ARMH3: variants seen among roughly 807,000 people sequenced by gnomAD.
The protein encoded by ARMH3 is armadillo like helical domain containing 3.
Under a neutral mutation model 99.1 loss-of-function variants are expected in ARMH3, and 60 were observed. That is an observed-to-expected ratio of 0.61 (90% CI 0.49 to 0.75). The LOEUF is 0.75. Ranked by LOEUF, ARMH3 falls within the 30% of genes least tolerant of loss-of-function variation. ARMH3 has a pLI of 0.00. For missense variants in ARMH3, 679 were observed against 843.1 expected, an observed-to-expected ratio of 0.81 and a Z score of 2.41; for synonymous variants, 285 against 292.8, an observed-to-expected ratio of 0.97 and a Z score of 0.27.
intron 19 of ARMH3, among the ~76,000 whole-genome samples, chr10:101,984,061 C>T (rs1400964055): frequency 6.6e-6 from 1 of 152,186 alleles, no homozygotes; most frequent in African/African-American, 2.4e-5. Context: ...CTGCTATCTG[C>T]TACAGAACTG....
At chr10:101,866,154 G>T (rs2066997328) in intron 24 of ARMH3, among the ~76,000 whole-genome samples, 1 of 151,908 alleles carries the variant, frequency 6.6e-6, no homozygotes, top group Non-Finnish European at 1.5e-5. Flanking sequence ...CCAGGAGGTG[G>T]AGGTTGCAGT....
At chr10:101,912,467 C>T (rs984281071) in intron 23 of ARMH3, among the ~76,000 whole-genome samples, 39 of 149,150 alleles carry the variant, frequency 2.6e-4, no homozygotes, top group African/African-American at 9.1e-4. Context: ...GTTCATGATA[C>T]TAAAAAAGAG....
intron 23 of ARMH3, among the ~76,000 whole-genome samples, chr10:101,937,178 G>A (rs574353217): frequency 1.3e-5 from 2 of 152,126 alleles, no homozygotes; most frequent in Non-Finnish European, 2.9e-5. Context: ...ACAGAAGGAG[G>A]CATTATGGTT....
intron 23 of ARMH3, among the ~76,000 whole-genome samples, chr10:101,919,693 A>C (rs887305126): frequency 6.6e-6 from 1 of 152,064 alleles, no homozygotes; most frequent in African/African-American, 2.4e-5. Flanking sequence ...GTACCGGGAG[A>C]GTTGTGCTTT....
intron 23 of ARMH3, among the ~76,000 whole-genome samples, chr10:101,937,478 C>T (rs1291981359): frequency 6.6e-6 from 1 of 150,668 alleles, no homozygotes; most frequent in Non-Finnish European, 1.5e-5. Context: ...GAAATCGCGC[C>T]ACTGCACTCC....
intron 24 of ARMH3, among the ~76,000 whole-genome samples, chr10:101,873,844 C>T (rs1461361939): frequency 6.6e-6 from 1 of 152,022 alleles, no homozygotes; most frequent in African/African-American, 2.4e-5. Context: ...GAATAATATT[C>T]CATGGTATGA....
intron 8 of ARMH3, among the ~76,000 whole-genome samples, chr10:102,018,164 C>G (rs2066791158): frequency 6.6e-6 from 1 of 152,190 alleles, no homozygotes; most frequent in African/African-American, 2.4e-5. Flanking sequence ...TCCTCAAAAG[C>G]AATCTCCAAT....
intron 1 of ARMH3, among the ~76,000 whole-genome samples, chr10:102,050,694 C>A (rs2067680251): frequency 6.6e-6 from 1 of 151,330 alleles, no homozygotes; most frequent in Admixed American, 6.6e-5. Context: ...CCCATCTCTA[C>A]TAAATATACA....
At chr10:101,966,257 C>T (rs1845534854) in intron 20 of ARMH3, among the ~76,000 whole-genome samples, 1 of 148,540 alleles carries the variant, frequency 6.7e-6, no homozygotes, top group Admixed American at 6.7e-5. Context: ...AGGCATGCAC[C>T]ACCACACCTG....
chr10:101,874,678 G>C (rs963452174), intron 24 of ARMH3, among the ~76,000 whole-genome samples: 3 of 152,156 alleles, frequency 2.0e-5, no homozygotes, highest in Admixed American at 6.6e-5. Flanking sequence ...GACACCTAAC[G>C]AGGGTTCTGC....
chr10:101,975,347 G>T, intron 19 of ARMH3, 47 bp from the exon 20 acceptor site: 1 of 1,457,272 alleles, frequency 6.9e-7, no homozygotes, highest in Non-Finnish European at 9.6e-7. Context: ...AGAATATAGT[G>T]CAACTCACCA....
chr10:101,926,920 A>G (rs1843529774), intron 23 of ARMH3, among the ~76,000 whole-genome samples: 1 of 152,128 alleles, frequency 6.6e-6, no homozygotes, highest in South Asian at 2.1e-4. Flanking sequence ...GGAAAGAACA[A>G]ACGCCCAGGA....
intron 22 of ARMH3, among the ~76,000 whole-genome samples, chr10:101,949,545 C>T (rs994413471): frequency 8.6e-5 from 13 of 152,038 alleles, no homozygotes; most frequent in Non-Finnish European, 1.8e-4. Flanking sequence ...CTTAAATAGT[C>T]CTGTATCTAT....
At chr10:101,966,873 C>T (rs760670543) in intron 20 of ARMH3, among the ~76,000 whole-genome samples, 10 of 152,274 alleles carry the variant, frequency 6.6e-5, no homozygotes, top group South Asian at 4.1e-4. Context: ...CAGGAAGACA[C>T]AATTAAGTGG....
At chr10:102,048,407 T>C (rs1033413270) in intron 1 of ARMH3, among the ~76,000 whole-genome samples, 1 of 152,188 alleles carries the variant, frequency 6.6e-6, no homozygotes, top group African/African-American at 2.4e-5. Flanking sequence ...TCACCCAATA[T>C]ACAAAGGAGG....
At chr10:102,051,090 G>T (rs1053160178) in intron 1 of ARMH3, among the ~76,000 whole-genome samples, 1 of 150,414 alleles carries the variant, frequency 6.6e-6, no homozygotes, top group Admixed American at 6.7e-5. Context: ...GGAGAGGGAG[G>T]TTGCAGTGAG....
At chr10:101,903,524 G>C (rs765867177) in intron 23 of ARMH3, among the ~76,000 whole-genome samples, 1 of 152,210 alleles carries the variant, frequency 6.6e-6, no homozygotes, top group South Asian at 2.1e-4. Context: ...TGCAGGCTTA[G>C]AAAGGACATT....
At chr10:101,982,181 C>A (rs1846265433) in intron 19 of ARMH3, among the ~76,000 whole-genome samples, 1 of 151,616 alleles carries the variant, frequency 6.6e-6, no homozygotes, top group East Asian at 1.9e-4. Context: ...AGGAGTTTGA[C>A]ACCAACCTAG....
At chr10:101,958,451 T>A (rs140068555) in intron 20 of ARMH3, among the ~76,000 whole-genome samples, 21 of 152,344 alleles carry the variant, frequency 1.4e-4, no homozygotes, top group Non-Finnish European at 2.4e-4. Flanking sequence ...TTCAGACATT[T>A]TTGCAAATAA....
Sources: allele counts gnomAD v4.1 joint callset (sites outside exome capture counted in the v4.1 genomes callset), GRCh38; gene constraint gnomAD v4.1.1; transcripts MANE v1.5; gene names NCBI Gene and HGNC (gene_info 2026-07-23, HGNC 2026-07-21).